Variants in PHYKPL observed in about 807,000 individuals in gnomAD.
The protein encoded by PHYKPL is 5-phosphohydroxy-L-lysine phospho-lyase.
A neutral mutation model predicts 51.3 loss-of-function variants in PHYKPL; 42 were observed. The ratio of observed to expected loss-of-function variants is 0.82; its 90% CI spans 0.64 to 1.06. The LOEUF is 1.06. Ranked by LOEUF, PHYKPL falls within the 50% of genes least tolerant of loss-of-function variation. The pLI, the probability that PHYKPL is intolerant of heterozygous loss-of-function variation, is 0.00. For missense variants in PHYKPL, 655 were observed against 586.6 expected, an observed-to-expected ratio of 1.12 and a Z score of -1.20; for synonymous variants, 264 against 236.0, an observed-to-expected ratio of 1.12 and a Z score of -1.09.
intron 10 of PHYKPL, 50 bp from the exon 11 acceptor site, chr5:178,213,153 C>G: frequency 6.2e-7 from 1 of 1,603,226 alleles, no homozygotes; most frequent in Non-Finnish European, 8.5e-7. Flanking sequence ...CTTCCTCAGC[C>G]TGGCCTTGGC....
intron 8 of PHYKPL, among the ~76,000 whole-genome samples, chr5:178,218,260 T>C (rs1581262931): frequency 7.1e-6 from 1 of 139,972 alleles, no homozygotes; most frequent in East Asian, 2.0e-4. Context: ...AAAACAGTCA[T>C]ATAGACCCAA....
In PHYKPL at chr5:178,231,453, C is replaced by A; in HGVS notation, c.130G>T (p.Asp44Tyr). Reference protein sequence around the residue: ...IVRAQGQYMYDEQGAEYIDCI... With the variant: ...IVRAQGQYMYYEQGAEYIDCI... ...TCGATGTATTCTGCCCCCTGTTCAT[C>A]GTACATGTACTGCCCTTGGGCCCGG... The change falls in exon 2 of 13, where the codon GAT becomes TAT. Residue 44 changes from aspartate (D) to tyrosine (Y), a missense_variant. Coordinates refer to ENST00000308158, the MANE Select transcript of PHYKPL (RefSeq NM_153373.4). The A allele has an allele frequency of 6.2e-7, 1 of 1,614,196 alleles. No homozygotes were observed. Among genetic ancestry groups the A allele is most frequent in the Non-Finnish European group, 8.5e-7 (1 of 1,180,038 alleles).
intron 6 of PHYKPL, 149 bp downstream of exon 6, chr5:178,224,299 G>A (rs895994019): frequency 9.2e-6 from 8 of 869,250 alleles, no homozygotes. Flanking sequence ...CAGACTCTCT[G>A]CTGAGCCCAA....
At chr5:178,209,167 T>C (rs1428991360) in intron 12 of PHYKPL, among the ~76,000 whole-genome samples, 1 of 152,230 alleles carries the variant, frequency 6.6e-6, no homozygotes, top group Non-Finnish European at 1.5e-5. Flanking sequence ...TTAGTTGGGA[T>C]TCCATGAGCT....
At chr5:178,213,160 T>C in intron 10 of PHYKPL, 57 bp from the exon 11 acceptor site, 1 of 1,598,292 alleles carries the variant, frequency 6.3e-7, no homozygotes, top group Non-Finnish European at 8.5e-7. Flanking sequence ...AGCCTGGCCT[T>C]GGCCTCATGT....
At position 178,224,498 on chromosome 5, in the gene PHYKPL, C is replaced by T; in HGVS notation, c.568G>A (p.Ala190Thr). 1 of 1,612,242 alleles carries T rather than the reference C, an allele frequency of 6.2e-7. No homozygotes were observed. The highest frequency in any genetic ancestry group is 8.5e-7 in the Non-Finnish European group (1 of 1,178,910). ...CTGACCACACGTTTCACCTCGTTGGCATAGGCCATAGCTGGGTTGGGGTGG... is the reference window on the plus strand; with the variant it reads ...CTGACCACACGTTTCACCTCGTTGGTATAGGCCATAGCTGGGTTGGGGTGG... ...EDHPNPAMAY[A>T]NEVKRVVSSA... Residue 190 changes from alanine to threonine, a missense_variant, in exon 6 of 13, where the codon GCC becomes ACC. Transcript: ENST00000308158.
intron 3 of PHYKPL, among the ~76,000 whole-genome samples, chr5:178,229,075 C>A (rs1449344608): frequency 6.6e-6 from 1 of 151,266 alleles, no homozygotes; most frequent in Non-Finnish European, 1.5e-5. Context: ...GTGTGGTGAC[C>A]AACCTTGACA....
Position 178,232,604 on chromosome 5 carries a change from G to A in PHYKPL, c.-54C>T. ...CGCCACGCGGAGACGTCGCCGCGCG[G>A]GCTGGGCCTCCAAGGCCCCGCTCCG... On this transcript the variant is annotated 5_prime_UTR_variant, in exon 1 of 13. Coordinates refer to ENST00000308158, the MANE Select transcript of PHYKPL (RefSeq NM_153373.4). 8.0e-7 allele frequency: 1 copy of A among 1,248,518 alleles called. No homozygotes were observed. The highest frequency in any genetic ancestry group is 3.1e-4 in the Middle Eastern group (1 of 3,276). 77.3% of individuals were successfully genotyped at this position (1,248,518 alleles called of 1,614,324 possible).
intron 12 of PHYKPL, chr5:178,209,455 G>A: frequency 6.2e-7 from 1 of 1,610,314 alleles, no homozygotes; most frequent in Non-Finnish European, 8.5e-7. Flanking sequence ...GAGGTGAGTG[G>A]AACGTGGATG....
chr5:178,231,504 A>C lies in PHYKPL; in HGVS notation c.79T>G (p.Phe27Val). 6.2e-7 allele frequency: 1 copy of C among 1,614,190 alleles called. No homozygotes were observed. The highest frequency in any genetic ancestry group is 8.5e-7 in the Non-Finnish European group (1 of 1,180,014). ...RLISSSCRLF[F>V]PEDPVKIVRA... The stretch of plus-strand genomic sequence containing the variant: ...ACAATCTTAACAGGATCCTCGGGAA[A>C]AAAGAGTCTGCAGGAAGAGCTGTGG... Residue 27 changes from phenylalanine to valine, a missense_variant, in exon 2 of 13, where the codon TTT (phenylalanine) becomes GTT (valine). Coordinates refer to ENST00000308158, the MANE Select transcript of PHYKPL (RefSeq NM_153373.4).
intron 1 of PHYKPL, 74 bp from the exon 2 acceptor site, chr5:178,231,597 C>T: frequency 3.7e-6 from 6 of 1,608,896 alleles, no homozygotes; most frequent in South Asian, 2.2e-5. Flanking sequence ...CGCAGACCCC[C>T]GCCCACCCCT....
Position 178,222,545 on chromosome 5 carries a change from T to C in PHYKPL, c.737A>G (p.Asp246Gly). The C allele has an allele frequency of 6.2e-7, 1 of 1,614,202 alleles. No individual in the cohort carries two copies. The highest frequency in any genetic ancestry group is 8.5e-7 in the Non-Finnish European group (1 of 1,180,030). The change falls in exon 8 of 13, where the codon GAT becomes GGT. Residue 246 changes from aspartate (D) to glycine (G), a missense_variant. By Grantham distance (94) the Asp-to-Gly change is moderately conservative (BLOSUM62 -1). Transcript: ENST00000308158. The part of the protein sequence containing the change: ...IRKAGGVFVA[D>G]EIQVGFGRVG... Reference sequence around the variant, plus strand: ...CCGGCCAAAGCCAACCTGGATCTCATCTGCAACAAAGACCCCTCCGGCCTT... The same window carrying C: ...CCGGCCAAAGCCAACCTGGATCTCACCTGCAACAAAGACCCCTCCGGCCTT...
intron 1 of PHYKPL, 139 bp downstream of exon 1, chr5:178,232,353 G>A (rs962261321): frequency 2.5e-5 from 32 of 1,285,758 alleles, no homozygotes; most frequent in Middle Eastern, 3.0e-4. Context: ...AGCGGGGCCG[G>A]GGCAGCGGCC....
At chr5:178,207,958 T>G (rs2113554109), downstream of PHYKPL, among the ~76,000 whole-genome samples, 1 of 152,270 alleles carries the variant, frequency 6.6e-6, no homozygotes, top group East Asian at 1.9e-4. Context: ...ATTACAGGCA[T>G]GAACTGCCTC....
At position 178,214,847 on chromosome 5, in the gene PHYKPL, T is replaced by C; in HGVS notation, c.1121A>G (p.Asp374Gly). 6.2e-7 allele frequency: 1 copy of C among 1,613,370 alleles called. No homozygotes were observed. Among genetic ancestry groups the C allele is most frequent in the African/African-American group, 1.3e-5 (1 of 74,846 alleles). The change falls in exon 10 of 13, where the codon GAT becomes GGT. Residue 374 changes from aspartate to glycine, a missense_variant. Asp to Gly is a moderately conservative substitution (Grantham distance 94, BLOSUM62 -1). Transcript: ENST00000308158. ...GLFIGVDLIK[D>G]EATRTPATEE... is the part of the protein sequence containing the mutation. ...AGTTGCTGGTGTCCTTGTGGCCTCA[T>C]CTTTGATCAGATCCACACCAATGAA...
Position 178,231,626 on chromosome 5 carries a change from G to T in PHYKPL, c.60-103C>A, listed in dbSNP as rs752990151. ...CACCCCTTCCCAGTTTCTGGTGGCG[G>T]GGGGGAAATGAGAGCTGGAAGGGCA... On this transcript the variant is annotated intron_variant, in intron 1 of 12. Coordinates refer to ENST00000308158, the MANE Select transcript of PHYKPL (RefSeq NM_153373.4). 35 of 1,522,868 alleles carry T rather than the reference G, an allele frequency of 2.3e-5. No individual in the cohort carries two copies. In the Admixed American group the frequency reaches 6.7e-4, roughly 29 times the overall value. 94.3% of individuals were successfully genotyped at this position (1,522,868 alleles called of 1,614,324 possible).
chr5:178,223,855 AGGCCT>A, intron 6 of PHYKPL: 1 of 216,214 alleles, frequency 4.6e-6, no homozygotes. Flanking sequence ...TGCCCCCGTC[AGGCCT>A]CCCCACAGCT....
intron 4 of PHYKPL, 139 bp from the exon 5 acceptor site, chr5:178,224,868 G>C: frequency 1.6e-6 from 1 of 644,410 alleles, no homozygotes; most frequent in African/African-American, 1.8e-5. Context: ...CTTGGGCTGG[G>C]AAAGAGCACA....
chr5:178,219,653 T>C (rs1215310142), intron 8 of PHYKPL, among the ~76,000 whole-genome samples: 1 of 151,922 alleles, frequency 6.6e-6, no homozygotes. Flanking sequence ...GGTTTCACCG[T>C]GTTAGCCAGG....
Sources: allele counts gnomAD v4.1 joint callset (sites outside exome capture counted in the v4.1 genomes callset), GRCh38; gene constraint gnomAD v4.1.1; transcripts MANE v1.5; gene names NCBI Gene and HGNC (gene_info 2026-07-23, HGNC 2026-07-21).